Variants in TENM1 observed in about 807,000 individuals in gnomAD.
The protein encoded by TENM1 is teneurin-1.
A neutral mutation model predicts 174.8 loss-of-function variants in TENM1; 35 were observed. The observed-to-expected ratio is 0.20, with a 90% CI of 0.15 to 0.27. The LOEUF is 0.27. Among genes scored for constraint, TENM1 ranks in the 10% least tolerant of loss-of-function variants. TENM1 has a pLI of 1.00. For missense variants in TENM1, 1,633 were observed against 2,130.1 expected (o/e 0.77, Z 4.59); for synonymous variants, 781 against 798.7 (o/e 0.98, Z 0.37).
the TENM1 span, among the ~76,000 whole-genome samples, chrX:125,177,363 T>C: frequency 8.9e-6 from 1 of 112,153 alleles, no homozygotes; most frequent in East Asian, 2.8e-4. Flanking sequence ...ATCTGACATA[T>C]GTCAGACATT....
At chrX:124,426,197 T>C (rs1569531033) in intron 23 of TENM1, among the ~76,000 whole-genome samples, 1 of 111,509 alleles carries the variant, frequency 9.0e-6, no homozygotes, top group African/African-American at 3.3e-5. Context: ...CCTAGGTGTT[T>C]CTCAGGGAAC....
At chrX:124,899,000 G>C in intron 1 of TENM1, among the ~76,000 whole-genome samples, 1 of 111,469 alleles carries the variant, frequency 9.0e-6, no homozygotes, top group South Asian at 3.8e-4. Flanking sequence ...AAAAAGAAAA[G>C]AGAAAAAGTT....
At chrX:124,484,315 A>G (rs2046908299) in intron 21 of TENM1, among the ~76,000 whole-genome samples, 1 of 111,442 alleles carries the variant, frequency 9.0e-6, no homozygotes, top group Non-Finnish European at 1.9e-5. Flanking sequence ...TGTTCGTCAG[A>G]TTTCTTCACT....
At chrX:124,627,949 T>C (rs1458570316) in intron 11 of TENM1, among the ~76,000 whole-genome samples, 1 of 111,849 alleles carries the variant, frequency 8.9e-6, no homozygotes, top group Non-Finnish European at 1.9e-5. Context: ...ATTATTCCAC[T>C]GTCATTTCAT....
At position 124,803,146 on chromosome X, in the gene TENM1, G is replaced by A. The variant is rs144109800; in HGVS notation, c.536-65949C>T. 4.2e-4 allele frequency among the ~76,000 whole-genome samples: 47 copies of A among 111,680 alleles called. No homozygotes were observed. In the East Asian group the frequency reaches 0.012, roughly 28 times the overall value. On this transcript the variant is annotated intron_variant, in intron 3 of 31. Transcript: ENST00000422452. ...TTAATCACATAGAAAAGTACCAAGAGTAATATAACAAACATCCATAAATCC... is the reference window on the plus strand; with the variant it reads ...TTAATCACATAGAAAAGTACCAAGAATAATATAACAAACATCCATAAATCC...
intron 14 of TENM1, among the ~76,000 whole-genome samples, chrX:124,551,438 T>C (rs958950447): frequency 1.8e-5 from 2 of 110,522 alleles, no homozygotes; most frequent in Non-Finnish European, 3.8e-5. Context: ...TCGTACAACA[T>C]AGTACTTATA....
chrX:124,809,012 A>T lies in TENM1; in HGVS notation c.536-71815T>A, dbSNP rs762612468. ...CAGAAATAAAATAGAAATTATAAAAACAACTGAAAAGATGAATGAAACAGA... is the reference window on the plus strand; with the variant it reads ...CAGAAATAAAATAGAAATTATAAAATCAACTGAAAAGATGAATGAAACAGA... On this transcript the variant is annotated intron_variant, in intron 3 of 31. Transcript: ENST00000422452. Among the ~76,000 whole-genome samples, 691 of 111,912 alleles carry T rather than the reference A, an allele frequency of 6.2e-3. 6 individuals carry two copies. The highest frequency in any genetic ancestry group is 0.021 in the African/African-American group (661 of 30,867).
intron 3 of TENM1, among the ~76,000 whole-genome samples, chrX:124,757,390 G>A (rs551255416): frequency 3.8e-4 from 43 of 112,387 alleles, no homozygotes; most frequent in African/African-American, 1.3e-3. Context: ...TCCAGGTGCC[G>A]TCTATCACCC....
At chrX:124,589,950 G>A (rs973537577) in intron 11 of TENM1, among the ~76,000 whole-genome samples, 10 of 110,667 alleles carry the variant, frequency 9.0e-5, no homozygotes, top group Non-Finnish European at 1.1e-4. Context: ...ATTTTCTTCT[G>A]GTTGCTTTGG....
chrX:125,064,701 G>T, the TENM1 span, among the ~76,000 whole-genome samples: 38,021 of 109,571 alleles, frequency 0.35, 6,826 homozygotes, highest in African/African-American at 0.7. Flanking sequence ...CCGCCTCCTG[G>T]GTTCATGCCA....
rs2058603143 is a variant in TENM1, at chrX:124,958,027, G to C, written c.217+5510C>G. 4.5e-5 allele frequency among the ~76,000 whole-genome samples: 5 copies of C among 111,276 alleles called. No individual in the cohort carries two copies. The South Asian group carries it at 1.9e-3, about 42-fold the overall frequency. Reference sequence around the variant, plus strand: ...TAATTGATGCCTCCCTTGGATGTGAGGCTGCTTGGGAAAAATAGCTAGCCT... The same window carrying C: ...TAATTGATGCCTCCCTTGGATGTGACGCTGCTTGGGAAAAATAGCTAGCCT... On this transcript the variant is annotated intron_variant, in intron 1 of 31. Coordinates refer to ENST00000422452, the Ensembl canonical transcript of TENM1.
chrX:124,988,118 G>C, the TENM1 span, among the ~76,000 whole-genome samples: 14 of 111,496 alleles, frequency 1.3e-4, no homozygotes, highest in Middle Eastern at 4.7e-3. Flanking sequence ...ATAGAGGGGA[G>C]AGAGAAATAA....
rs1213433675 is a variant in TENM1 at position 124,471,339 on chromosome X, A to ATAT, written c.3949+10390_3949+10392dup. Among the ~76,000 whole-genome samples, 7 of 9,033 alleles carry ATAT rather than the reference A, an allele frequency of 7.7e-4. 1 individual carries two copies. The highest frequency in any genetic ancestry group is 1.7e-3 in the Admixed American group (1 of 591). 7.8% of individuals were successfully genotyped at this position (9,033 alleles called of 115,157 possible). On this transcript the variant is annotated intron_variant, in intron 22 of 31. Transcript: ENST00000422452. ...TATATATTATAATATATAGTACTAT[A>ATAT]TATAATATATATTATAATATATAGT...
At chrX:125,099,304 T>C in the TENM1 span, among the ~76,000 whole-genome samples, 1 of 111,845 alleles carries the variant, frequency 8.9e-6, no homozygotes, top group Non-Finnish European at 1.9e-5. Flanking sequence ...ACCCAGGGAG[T>C]TGCCATTAAA....
chrX:125,138,866 T>G, the TENM1 span, among the ~76,000 whole-genome samples: 1 of 110,784 alleles, frequency 9.0e-6, no homozygotes, highest in Non-Finnish European at 1.9e-5. Context: ...ACTTCTAATA[T>G]AACATGATTT....
chrX:125,037,230 T>C, the TENM1 span, among the ~76,000 whole-genome samples: 3 of 110,213 alleles, frequency 2.7e-5, no homozygotes, highest in African/African-American at 6.6e-5. Context: ...CTGCTTGAAA[T>C]AATGCTTCCC....
intron 3 of TENM1, among the ~76,000 whole-genome samples, chrX:124,892,349 T>C (rs113202531): frequency 0.015 from 1,697 of 111,567 alleles, 32 homozygotes; most frequent in African/African-American, 0.053. Flanking sequence ...GTTCAAGTGT[T>C]TTAGTGTTGA....
At chrX:125,157,528 T>C in the TENM1 span, among the ~76,000 whole-genome samples, 6 of 112,220 alleles carry the variant, frequency 5.3e-5, no homozygotes, top group East Asian at 2.8e-4. Flanking sequence ...CTATACACTA[T>C]GCATGTGTAA....
chrX:124,421,042 C>T (rs2060647253), intron 24 of TENM1, among the ~76,000 whole-genome samples: 1 of 112,129 alleles, frequency 8.9e-6, no homozygotes, highest in Non-Finnish European at 1.9e-5. Flanking sequence ...CTAATTATCT[C>T]AGTTATACCA....
Sources: gnomAD v4.1 joint callset for allele counts (sites outside exome capture counted in the v4.1 genomes callset) on GRCh38, gnomAD v4.1.1 for gene constraint, MANE v1.5 for transcripts, NCBI Gene and HGNC (gene_info 2026-07-23, HGNC 2026-07-21) for gene names.